The following PID1 variants were observed in gnomAD, a reference collection of about 807,000 sequenced individuals.
The protein encoded by PID1 is phosphotyrosine interaction domain containing 1.
In PID1, 10 loss-of-function variants were observed where a neutral mutation model predicts 19.1. The observed-to-expected ratio is 0.52, with a 90% CI of 0.32 to 0.89. The LOEUF (loss-of-function observed/expected upper bound fraction) is 0.89, where lower values mean the gene tolerates loss of function less well. Among genes scored for constraint, PID1 ranks in the 40% least tolerant of loss-of-function variants. The pLI is 0.03. For missense variants in PID1, 248 were observed against 285.3 expected (o/e 0.87, Z 0.94); for synonymous variants, 130 against 116.0 (o/e 1.12, Z -0.78).
chr2:229,026,269 C>T (rs1188829104), intron 2 of PID1, among the ~76,000 whole-genome samples, 161 bp from the exon 3 acceptor site: 1 of 152,190 alleles, frequency 6.6e-6, no homozygotes, highest in Non-Finnish European at 1.5e-5. Context: ...AAATTTCTAC[C>T]TTTTCTCTCT....
At chr2:229,233,491 T>G (rs1277324773) in intron 1 of PID1, among the ~76,000 whole-genome samples, 4 of 132 alleles carry the variant, frequency 0.03, no homozygotes, top group Admixed American at 0.083. Context: ...GTGTGCTAGA[T>G]TTTTTTTTTT....
intron 2 of PID1, among the ~76,000 whole-genome samples, chr2:229,139,059 G>A (rs1410193979): frequency 1.5e-3 from 49 of 32,236 alleles, no homozygotes; most frequent in Non-Finnish European, 2.0e-3. Flanking sequence ...GAAAGAAAGA[G>A]AAAGAAAGAA....
intron 2 of PID1, among the ~76,000 whole-genome samples, chr2:229,115,567 T>G (rs148977209): frequency 1.3e-5 from 2 of 152,326 alleles, no homozygotes; most frequent in African/African-American, 4.8e-5. Context: ...ATGGTTTGAA[T>G]CCCTCAAGTA....
chr2:229,161,601 G>T (rs571862044), intron 1 of PID1, among the ~76,000 whole-genome samples: 1 of 152,334 alleles, frequency 6.6e-6, no homozygotes, highest in Non-Finnish European at 1.5e-5. Flanking sequence ...TTAAAAAAGT[G>T]AATCTTGTAC....
chr2:229,115,483 G>T (rs1015804747), intron 2 of PID1, among the ~76,000 whole-genome samples: 1 of 150,970 alleles, frequency 6.6e-6, no homozygotes, highest in Non-Finnish European at 1.5e-5. Flanking sequence ...AGAAGAAGAA[G>T]GTTCTATAGC....
chr2:229,151,618 T>C (rs528115093), intron 2 of PID1, among the ~76,000 whole-genome samples: 254 of 151,704 alleles, frequency 1.7e-3, no homozygotes, highest in Non-Finnish European at 3.0e-3. Context: ...TCACCCAGGC[T>C]GGAGTGCAGT....
chr2:229,228,193 C>G (rs940966055), intron 1 of PID1: 4 of 361,754 alleles, frequency 1.1e-5, no homozygotes, highest in South Asian at 2.1e-5. Context: ...AATTATTCAT[C>G]TCTACTTTTC....
intron 2 of PID1, among the ~76,000 whole-genome samples, chr2:229,113,590 GCATA>G (rs1323078435): frequency 3.1e-5 from 3 of 97,412 alleles, no homozygotes; most frequent in Non-Finnish European, 6.3e-5. Flanking sequence ...ATGTGTGTAT[GCATA>G]TATGTGTGTG....
chr2:229,084,801 T>C (rs963561138), intron 2 of PID1, among the ~76,000 whole-genome samples: 4 of 152,146 alleles, frequency 2.6e-5, no homozygotes, highest in African/African-American at 9.7e-5. Context: ...ATGCACAGCA[T>C]TCACTCTCTA....
At chr2:229,129,370 C>T (rs143078898) in intron 2 of PID1, among the ~76,000 whole-genome samples, 11,259 of 150,208 alleles carry the variant, frequency 0.075, 561 homozygotes, top group South Asian at 0.22. Context: ...GCCGAGATTG[C>T]GCCACTGCAC....
intron 2 of PID1, among the ~76,000 whole-genome samples, chr2:229,066,467 T>C (rs1162450110): frequency 2.0e-5 from 3 of 152,114 alleles, no homozygotes; most frequent in African/African-American, 7.2e-5. Context: ...TAGCCAATTT[T>C]TGAAAACCAT....
intron 1 of PID1, among the ~76,000 whole-genome samples, chr2:229,251,944 T>TAAAAAAAAAAAAAAA (rs11284650): frequency 2.8e-5 from 2 of 71,474 alleles, no homozygotes; most frequent in African/African-American, 5.4e-5. Context: ...AACCATAAGC[T>TAAAAAAAAAAAAAAA]AAAAAAAAAA....
At chr2:229,207,264 G>C (rs1422694879) in intron 1 of PID1, among the ~76,000 whole-genome samples, 2 of 151,984 alleles carry the variant, frequency 1.3e-5, no homozygotes, top group East Asian at 1.9e-4. Flanking sequence ...CTAAGGACCT[G>C]GATTTCAATC....
At chr2:229,048,336 C>T (rs151069066) in intron 2 of PID1, among the ~76,000 whole-genome samples, 7 of 152,248 alleles carry the variant, frequency 4.6e-5, no homozygotes, top group African/African-American at 7.2e-5. Context: ...GCACTGCAGC[C>T]CTCACTCCCT....
chr2:229,037,922 G>A (rs1435600740), intron 2 of PID1, among the ~76,000 whole-genome samples: 1 of 152,174 alleles, frequency 6.6e-6, no homozygotes, highest in East Asian at 1.9e-4. Flanking sequence ...ATGGATTCAA[G>A]GGACAAACAG....
At chr2:229,241,047 A>C (rs771345835) in intron 1 of PID1, among the ~76,000 whole-genome samples, 91 of 152,192 alleles carry the variant, frequency 6.0e-4, no homozygotes, top group Non-Finnish European at 1.9e-4. Flanking sequence ...CAGAGTTTCT[A>C]TCTGGCCCTT....
chr2:229,194,895 G>A (rs1051349872), intron 1 of PID1, among the ~76,000 whole-genome samples: 3 of 143,310 alleles, frequency 2.1e-5, no homozygotes, highest in African/African-American at 7.8e-5. Context: ...CCCGAAAAAA[G>A]CTCAAAATAA....
intron 2 of PID1, among the ~76,000 whole-genome samples, chr2:229,111,272 G>C (rs926536564): frequency 6.6e-6 from 1 of 152,148 alleles, no homozygotes; most frequent in Non-Finnish European, 1.5e-5. Flanking sequence ...AAGGAGCAGC[G>C]ATGCCACAGG....
At chr2:229,165,779 A>G (rs1690584823) in intron 1 of PID1, among the ~76,000 whole-genome samples, 1 of 152,180 alleles carries the variant, frequency 6.6e-6, no homozygotes, top group African/African-American at 2.4e-5. Context: ...AAAAGAAATA[A>G]TAAGACTCCA....
Sources: allele counts gnomAD v4.1 joint callset (sites outside exome capture counted in the v4.1 genomes callset), GRCh38; gene constraint gnomAD v4.1.1; transcripts MANE v1.5; gene names NCBI Gene and HGNC (gene_info 2026-07-23, HGNC 2026-07-21).